The following MTRF1L variants were observed in gnomAD, a reference collection of about 807,000 sequenced individuals.
MTRF1L encodes the protein peptide chain release factor 1-like, mitochondrial.
MTRF1L carries 29 observed loss-of-function variants against 40.0 expected under a neutral mutation model. That is an observed-to-expected ratio of 0.73 (90% CI 0.54 to 0.99). The LOEUF (loss-of-function observed/expected upper bound fraction) is 0.99, where lower values mean the gene tolerates loss of function less well. Among genes scored for constraint, MTRF1L ranks in the 50% least tolerant of loss-of-function variants. The probability of loss-of-function intolerance (pLI) is 0.00; values close to 1 mark genes in which losing one functional copy is unlikely to be tolerated. For missense variants in MTRF1L, 412 were observed against 464.5 expected, an observed-to-expected ratio of 0.89 and a Z score of 1.04; for synonymous variants, 150 against 175.8, an observed-to-expected ratio of 0.85 and a Z score of 1.16.
chr6:152,991,614 T>A (rs985932874), intron 5 of MTRF1L, among the ~76,000 whole-genome samples: 8 of 152,240 alleles, frequency 5.3e-5, no homozygotes, highest in Non-Finnish European at 1.2e-4. Context: ...TGGCGCGATC[T>A]CGGCTCACTG....
In MTRF1L at chr6:152,995,151, A is replaced by T. The variant is rs1243212025; in HGVS notation, c.508T>A (p.Phe170Ile). The T allele has an allele frequency of 6.2e-7, 1 of 1,602,962 alleles. No individual in the cohort carries two copies. Residue 170 changes from phenylalanine (F) to isoleucine (I), a missense_variant, in exon 3 of 7, where the codon TTT becomes ATT. Physicochemically the swap from Phe to Ile is conservative, Grantham distance 21 (BLOSUM62 0). Transcript: ENST00000367233. ...GTTTACTGACCTAGTTCACTTGGAA[A>T]ATATTCCAGGGTTTCAAAATGCCAT... ...KRWHFETLEY[F>I]PSELGGLRHA...
At chr6:152,997,100 G>T (rs1032778729) in intron 2 of MTRF1L, among the ~76,000 whole-genome samples, 19 of 152,146 alleles carry the variant, frequency 1.2e-4, no homozygotes, top group African/African-American at 4.6e-4. Context: ...GATGCTTTAT[G>T]AAAAGTTTAT....
At chr6:152,991,046 G>T in intron 6 of MTRF1L, 139 bp downstream of exon 6, 1 of 517,086 alleles carries the variant, frequency 1.9e-6, no homozygotes, top group Non-Finnish European at 3.3e-6. Context: ...TACTATCAAA[G>T]AAGGATAGCC....
chr6:152,997,122 C>T (rs1778740778), intron 2 of MTRF1L, among the ~76,000 whole-genome samples: 1 of 151,862 alleles, frequency 6.6e-6, no homozygotes, highest in South Asian at 2.1e-4. Context: ...GGGATGATGC[C>T]CTGAAGAAAT....
chr6:152,992,789 G>T, intron 5 of MTRF1L, 68 bp downstream of exon 5: 2 of 1,171,048 alleles, frequency 1.7e-6, no homozygotes, highest in African/African-American at 1.5e-5. Flanking sequence ...CTATTTCAGT[G>T]GAAAATTAGT....
intron 2 of MTRF1L, chr6:152,998,183 G>T: frequency 1.4e-5 from 2 of 140,516 alleles, no homozygotes; most frequent in Non-Finnish European, 1.5e-5. Context: ...AAAAAGGGAA[G>T]ATATGCCACT....
intron 1 of MTRF1L, 81 bp downstream of exon 1, chr6:153,002,346 T>A: frequency 6.2e-7 from 1 of 1,604,644 alleles, no homozygotes; most frequent in Non-Finnish European, 8.5e-7. Flanking sequence ...AGTTTCAAAC[T>A]CGGGTAGTGT....
At chr6:152,995,341 C>A (rs757045938) in intron 2 of MTRF1L, 22 bp from the exon 3 acceptor site, 41 of 1,505,298 alleles carry the variant, frequency 2.7e-5, no homozygotes, top group Non-Finnish European at 3.5e-5. Context: ...AAAATATCAC[C>A]CCTCCTATAA....
chr6:152,997,410 A>C (rs1778750549), intron 2 of MTRF1L, among the ~76,000 whole-genome samples: 1 of 152,230 alleles, frequency 6.6e-6, no homozygotes, highest in Non-Finnish European at 1.5e-5. Flanking sequence ...GCTGGAGGCA[A>C]GAGCAGAGCT....
chr6:152,994,919 G>C (rs1778662938), intron 3 of MTRF1L: 1 of 709,240 alleles, frequency 1.4e-6, no homozygotes, highest in African/African-American at 1.8e-5. Flanking sequence ...TACTTTTAAA[G>C]ACTGTTAGCA....
At chr6:153,002,211 T>C (rs1229431179) in intron 1 of MTRF1L, among the ~76,000 whole-genome samples, 2 of 152,088 alleles carry the variant, frequency 1.3e-5, no homozygotes, top group Non-Finnish European at 2.9e-5. Context: ...CTAATAAGCA[T>C]GTAAAAGGCG....
chr6:152,990,363 C>T (rs1778463659), intron 6 of MTRF1L: 2 of 450,806 alleles, frequency 4.4e-6, no homozygotes, highest in East Asian at 9.1e-5. Flanking sequence ...CTGCAAAATA[C>T]AGTGTCTACT....
At chr6:152,999,790 T>C (rs1778846876) in intron 1 of MTRF1L, among the ~76,000 whole-genome samples, 1 of 152,238 alleles carries the variant, frequency 6.6e-6, no homozygotes. Flanking sequence ...GTGGAACTGT[T>C]AGTCTATTAA....
chr6:152,994,165 TA>T (rs1276966404), intron 4 of MTRF1L, among the ~76,000 whole-genome samples: 1 of 152,176 alleles, frequency 6.6e-6, no homozygotes, highest in East Asian at 1.9e-4. Context: ...CTTTGTTAAA[TA>T]GGATTGTTGC....
At position 152,992,964 on chromosome 6, in the gene MTRF1L, A is replaced by C. The variant is rs751405319; in HGVS notation, c.698T>G (p.Val233Gly). 4 of 1,611,812 alleles carry C rather than the reference A, an allele frequency of 2.5e-6. No homozygotes were observed. Among genetic ancestry groups the C allele is most frequent in the South Asian group, 2.2e-5 (2 of 91,010 alleles). ...AATTCTCAAATCTTTCGGATTAATC[A>C]CCAGATTAATCTATACAGAAGAAAA... Reference protein sequence around the residue: ...ILPQPTEINLVINPKDLRIDT... With the variant: ...ILPQPTEINLGINPKDLRIDT... Residue 233 changes from valine (V) to glycine (G), a missense_variant, in exon 5 of 7, where the codon GTG becomes GGG. Physicochemically the swap from Val to Gly is moderately radical, Grantham distance 109. Coordinates refer to ENST00000367233, the MANE Select transcript of MTRF1L (RefSeq NM_019041.7).
intron 1 of MTRF1L, among the ~76,000 whole-genome samples, 180 bp downstream of exon 1, chr6:153,002,247 A>G (rs1456906206): frequency 2.0e-5 from 3 of 152,230 alleles, no homozygotes; most frequent in African/African-American, 4.8e-5. Context: ...AAAGGAGCAC[A>G]AGAGAGCCCA....
chr6:152,998,672 G>A, intron 1 of MTRF1L, 43 bp from the exon 2 acceptor site: 1 of 1,359,728 alleles, frequency 7.4e-7, no homozygotes. Context: ...CTTAATTAGT[G>A]TTAAATTGCT....
chr6:152,997,771 C>G (rs1025541124), intron 2 of MTRF1L, among the ~76,000 whole-genome samples: 3 of 152,180 alleles, frequency 2.0e-5, no homozygotes, highest in Non-Finnish European at 4.4e-5. Flanking sequence ...CTGCTCATTC[C>G]TCTCATCAAA....
chr6:153,002,567 C>T lies in MTRF1L; in HGVS notation c.119G>A (p.Gly40Asp), dbSNP rs1037251084. The part of the protein sequence containing the change: ...SPPLEELFTR[G>D]GPLRTFLERQ... ...CTCGAGGAAGGTCCGCAAGGGCCCGCCCCGGGTGAACAGCTCCTCCAGCGG... is the reference window on the plus strand; with the variant it reads ...CTCGAGGAAGGTCCGCAAGGGCCCGTCCCGGGTGAACAGCTCCTCCAGCGG... Residue 40 changes from glycine to aspartate, a missense_variant, in exon 1 of 7, where the codon GGC (glycine) becomes GAC (aspartate). By Grantham distance (94) the Gly-to-Asp change is moderately conservative. Transcript: ENST00000367233. 1.9e-6 allele frequency: 3 copies of T among 1,575,076 alleles called. No homozygotes were observed. The highest frequency in any genetic ancestry group is 2.3e-5 in the East Asian group (1 of 42,602).
Sources: allele counts gnomAD v4.1 joint callset (sites outside exome capture counted in the v4.1 genomes callset), GRCh38; gene constraint gnomAD v4.1.1; transcripts MANE v1.5; gene names NCBI Gene and HGNC (gene_info 2026-07-23, HGNC 2026-07-21).